PHF3: variants seen among roughly 807,000 people sequenced by gnomAD.
The protein encoded by PHF3 is PHD finger protein 3.
In PHF3, 41 loss-of-function variants were observed where a neutral mutation model predicts 178.4. The ratio of observed to expected loss-of-function variants is 0.23; its 90% CI spans 0.18 to 0.30. The LOEUF is 0.30. Among genes scored for constraint, PHF3 ranks in the 10% least tolerant of loss-of-function variants. The pLI is 1.00. For synonymous variants in PHF3, 842 were observed against 800.5 expected (o/e 1.05, Z -0.88); for missense variants, 2,346 against 2,398.1 (o/e 0.98, Z 0.45).
chr6:63,720,935 C>T lies in PHF3; in HGVS notation c.*7227C>T. The T allele has an allele frequency of 1.3e-6, 2 of 1,551,250 alleles. No individual in the cohort carries two copies. The highest frequency in any genetic ancestry group is 1.7e-6 in the Non-Finnish European group (2 of 1,146,750). On this transcript the variant is annotated 3_prime_UTR_variant, in exon 16 of 16. Transcript: ENST00000262043. ...AACAGAATGTGCCATTGTTATAGCT[C>T]ATAGGCACAGAGATTCTTTCTCCCA...
rs1332837061 is a variant in PHF3, at chr6:63,713,022, C to G, written c.5434C>G (p.Pro1812Ala). The G allele has an allele frequency of 2.5e-6, 4 of 1,613,894 alleles. No individual in the cohort carries two copies. Among genetic ancestry groups the G allele is most frequent in the South Asian group, 1.1e-5 (1 of 91,088 alleles). ...QPNLQHLKSS[P>A]PGFPFPGPPN... is the part of the protein sequence containing the mutation. Reference sequence around the variant, plus strand: ...CAACCTTCAGCATCTCAAGTCTAGCCCACCTGGATTTCCATTTCCAGGGCC... The same window carrying G: ...CAACCTTCAGCATCTCAAGTCTAGCGCACCTGGATTTCCATTTCCAGGGCC... The change falls in exon 16 of 16, where the codon CCA (proline) becomes GCA (alanine). Residue 1812 changes from proline to alanine, a missense_variant. Transcript: ENST00000262043.
chr6:63,672,087 C>T (rs1029485288), intron 2 of PHF3, among the ~76,000 whole-genome samples: 16 of 151,944 alleles, frequency 1.1e-4, no homozygotes, highest in Admixed American at 2.6e-4. Flanking sequence ...GTCGTCTGTC[C>T]GCCTCAGCCT....
At chr6:63,648,921 T>C (rs1173266383) in intron 2 of PHF3, among the ~76,000 whole-genome samples, 1 of 152,158 alleles carries the variant, frequency 6.6e-6, no homozygotes, top group Non-Finnish European at 1.5e-5. Context: ...TTGTGCCATC[T>C]AGCAGGGGAT....
chr6:63,680,339 C>T (rs1464641348), intron 3 of PHF3, among the ~76,000 whole-genome samples, 178 bp downstream of exon 3: 2 of 151,724 alleles, frequency 1.3e-5, no homozygotes, highest in East Asian at 1.9e-4. Flanking sequence ...TACCCACCAC[C>T]CCACACTACC....
chr6:63,697,535 C>T (rs577074432), intron 6 of PHF3, among the ~76,000 whole-genome samples: 1 of 152,032 alleles, frequency 6.6e-6, no homozygotes, highest in African/African-American at 2.4e-5. Flanking sequence ...TGTCTTCAGC[C>T]GTTTGTTGCC....
intron 1 of PHF3, among the ~76,000 whole-genome samples, chr6:63,639,072 T>C (rs1342141833): frequency 1.3e-5 from 2 of 152,190 alleles, no homozygotes; most frequent in African/African-American, 2.4e-5. Flanking sequence ...GGAATTGCTA[T>C]ATGTGTGGAC....
At position 63,712,056 on chromosome 6, in the gene PHF3, C is replaced by G. The variant is rs1767951775; in HGVS notation, c.4468C>G (p.Gln1490Glu). Residue 1490 changes from glutamine (Q) to glutamate (E), a missense_variant, in exon 16 of 16, where the codon CAA becomes GAA. Transcript: ENST00000262043. ...VYDQAQSVMEQNTVKEIPFLN... is the reference protein window; with the variant it reads ...VYDQAQSVMEENTVKEIPFLN... The stretch of plus-strand genomic sequence containing the variant: ...TGACCAGGCCCAGTCAGTGATGGAA[C>G]AAAACACTGTTAAAGAAATTCCATT... The G allele has an allele frequency of 6.2e-7, 1 of 1,613,566 alleles. No homozygotes were observed.
Position 63,684,324 on chromosome 6 carries a change from G to C in PHF3, c.602G>C (p.Ser201Thr). 3 of 1,614,024 alleles carry C rather than the reference G, an allele frequency of 1.9e-6. No individual in the cohort carries two copies. Among genetic ancestry groups the C allele is most frequent in the Non-Finnish European group, 2.5e-6 (3 of 1,179,900 alleles). ...TACCATAAGGAGAATAGAAGGTGCA[G>C]CCGAAATAGCGGACAAATTGAAGTG... ...PEYHKENRRCSRNSGQIEVVP... is the reference protein window; with the variant it reads ...PEYHKENRRCTRNSGQIEVVP... The change falls in exon 4 of 16, where the codon AGC becomes ACC. Residue 201 changes from serine (S) to threonine (T), a missense_variant. Around this residue, in one of 8 missense-constraint regions of PHF3, gnomAD observed 843 missense variants for 795.2 expected, o/e 1.06. Transcript: ENST00000262043.
chr6:63,656,362 C>T (rs546231692), intron 2 of PHF3, among the ~76,000 whole-genome samples: 327 of 152,188 alleles, frequency 2.1e-3, no homozygotes, highest in Non-Finnish European at 3.5e-3. Flanking sequence ...TTTGTTTCTT[C>T]ATCTGTTGCT....
chr6:63,673,432 T>C (rs1766011331), intron 2 of PHF3, among the ~76,000 whole-genome samples: 1 of 147,168 alleles, frequency 6.8e-6, no homozygotes, highest in Non-Finnish European at 1.5e-5. Flanking sequence ...CCTGAAACAT[T>C]AAAAAAAAAA....
At chr6:63,671,574 T>C (rs913282880) in intron 2 of PHF3, among the ~76,000 whole-genome samples, 18 of 152,176 alleles carry the variant, frequency 1.2e-4, no homozygotes, top group African/African-American at 4.3e-4. Flanking sequence ...GTGGCCAGCC[T>C]TTTGAAAATC....
At position 63,717,351 on chromosome 6, in the gene PHF3, A is replaced by G. The variant is rs919223993; in HGVS notation, c.*3643A>G. 1.3e-5 allele frequency among the ~76,000 whole-genome samples: 2 copies of G among 152,210 alleles called. No individual in the cohort carries two copies. The highest frequency in any genetic ancestry group is 2.4e-5 in the African/African-American group (1 of 41,558). ...AACATTTGGATATACTAGTTGTACTATGCTTATCTCAGATCCCTGTAACAC... is the reference window on the plus strand; with the variant it reads ...AACATTTGGATATACTAGTTGTACTGTGCTTATCTCAGATCCCTGTAACAC... On this transcript the variant is annotated 3_prime_UTR_variant, in exon 16 of 16. Transcript: ENST00000262043.
At chr6:63,697,263 G>A (rs1221281408) in intron 6 of PHF3, among the ~76,000 whole-genome samples, 2 of 152,112 alleles carry the variant, frequency 1.3e-5, no homozygotes, top group Non-Finnish European at 2.9e-5. Flanking sequence ...ATTTGGTAAT[G>A]GGAAAATGAT....
chr6:63,685,675 C>T lies in PHF3; in HGVS notation c.1953C>T (p.Gly651=), dbSNP rs928791359. 1.1e-5 allele frequency: 17 copies of T among 1,613,856 alleles called. No individual in the cohort carries two copies. The highest frequency in any genetic ancestry group is 1.4e-5 in the Non-Finnish European group (16 of 1,179,968). Residue 651 remains glycine (G), a synonymous_variant, in exon 4 of 16, where the codon GGC becomes GGT. Transcript: ENST00000262043. ...TGAAGGAAGAGCTTGAACACCCAGG[C>T]GTTGAGCATTTTAAGGAAGAGGATA... The part of the protein sequence containing the change: ...SHVKEELEHP[G]VEHFKEEDKL...
At chr6:63,662,549 C>CT (rs1444800699) in intron 2 of PHF3, among the ~76,000 whole-genome samples, 1 of 152,186 alleles carries the variant, frequency 6.6e-6, no homozygotes, top group Non-Finnish European at 1.5e-5. Flanking sequence ...CCCTTGTACT[C>CT]TTTTCCCTTC....
chr6:63,701,968 A>G (rs550430758), intron 9 of PHF3, among the ~76,000 whole-genome samples: 1 of 152,128 alleles, frequency 6.6e-6, no homozygotes, highest in South Asian at 2.1e-4. Context: ...TTATACTACT[A>G]CTTGTTATAC....
intron 1 of PHF3, among the ~76,000 whole-genome samples, chr6:63,642,637 T>C (rs1581989558): frequency 6.6e-6 from 1 of 152,242 alleles, no homozygotes; most frequent in African/African-American, 2.4e-5. Context: ...GATATACACG[T>C]ATCATCAGCC....
At chr6:63,678,906 G>GGT (rs1766302766) in intron 2 of PHF3, 5 of 434,150 alleles carry the variant, frequency 1.2e-5, no homozygotes, top group Admixed American at 5.3e-5. Flanking sequence ...AACTCCTTGA[G>GGT]GTTCCTTCTA....
intron 6 of PHF3, among the ~76,000 whole-genome samples, chr6:63,695,374 T>C (rs1448797700): frequency 6.6e-6 from 1 of 152,206 alleles, no homozygotes; most frequent in Non-Finnish European, 1.5e-5. Context: ...AGTATATGTC[T>C]ATCTGTATAG....
Sources: gnomAD v4.1 joint callset for allele counts (sites outside exome capture counted in the v4.1 genomes callset) on GRCh38, gnomAD v4.1.1 for gene constraint, gnomAD v4.1.1 regional missense constraint, MANE v1.5 for transcripts, NCBI Gene and HGNC (gene_info 2026-07-23, HGNC 2026-07-21) for gene names.